ZC3H7B: variants seen among roughly 807,000 people sequenced by gnomAD.
ZC3H7B encodes the protein zinc finger CCCH domain-containing protein 7B.
A neutral mutation model predicts 116.0 loss-of-function variants in ZC3H7B; 35 were observed. That is an observed-to-expected ratio of 0.30 (90% CI 0.23 to 0.40). The LOEUF (loss-of-function observed/expected upper bound fraction) is 0.40. Ranked by LOEUF, ZC3H7B falls within the 10% of genes least tolerant of loss-of-function variation. The probability of loss-of-function intolerance (pLI) is 1.00; values close to 1 mark genes in which losing one functional copy is unlikely to be tolerated. For missense variants in ZC3H7B, 1,011 were observed against 1,321.5 expected, an observed-to-expected ratio of 0.77 and a Z score of 3.64; for synonymous variants, 502 against 545.6, an observed-to-expected ratio of 0.92 and a Z score of 1.11.
chr22:41,339,267 G>A, intron 9 of ZC3H7B, 76 bp downstream of exon 9: 1 of 1,504,014 alleles, frequency 6.6e-7, no homozygotes, highest in Middle Eastern at 1.8e-4. Flanking sequence ...GGGGTGGAGG[G>A]AAGGCCCCAA....
At chr22:41,319,568 TAAAAAAAAAAAA>T (rs71202700) in intron 1 of ZC3H7B, among the ~76,000 whole-genome samples, 1 of 65,666 alleles carries the variant, frequency 1.5e-5, no homozygotes, top group Non-Finnish European at 3.2e-5. Context: ...AGTCTCCGGC[TAAAAAAAAAAAA>T]AAAAAAAAAG....
intron 7 of ZC3H7B, chr22:41,333,561 G>C (rs942209414): frequency 2.0e-5 from 3 of 152,044 alleles, no homozygotes; most frequent in African/African-American, 7.2e-5. Context: ...AGGAGGCACA[G>C]TTTGCAGTGA....
In ZC3H7B at chr22:41,338,578, G is replaced by A. The variant is rs116885335; in HGVS notation, c.625+223G>A. On this transcript the variant is annotated intron_variant, in intron 8 of 22. Transcript: ENST00000352645. This position sits in a 1 kb window ranked among gnomAD's most constrained non-coding sequence, Gnocchi z 4.5. ...TGGCAGAGAGGGGTGCTGCCTCTTAGCTAGGTGCAACAGTCCCATGGCCTT... is the reference window on the plus strand; with the variant it reads ...TGGCAGAGAGGGGTGCTGCCTCTTAACTAGGTGCAACAGTCCCATGGCCTT... Among the ~76,000 whole-genome samples, 12 of 152,232 alleles carry A rather than the reference G, an allele frequency of 7.9e-5. No homozygotes were observed. The highest frequency in any genetic ancestry group is 1.8e-4 in the Non-Finnish European group (12 of 67,984).
rs2036333428 is a variant in ZC3H7B at position 41,327,453 on chromosome 22, CTTCTGT to C, written c.444+90_444+95del. The stretch of plus-strand genomic sequence containing the variant: ...CTCACTTGGGCCCAGCCACCACATC[CTTCTGT>C]GTCTCACTTCCTCCCCTGTGACATG... On this transcript the variant is annotated intron_variant, in intron 5 of 22. Coordinates refer to ENST00000352645, the MANE Select transcript of ZC3H7B (RefSeq NM_017590.6). The surrounding 1 kb of genome is among the most constrained non-coding windows in gnomAD (Gnocchi z 4.5). 1 of 1,514,426 alleles carries C rather than the reference CTTCTGT, an allele frequency of 6.6e-7. No homozygotes were observed. Among genetic ancestry groups the C allele is most frequent in the Non-Finnish European group, 8.9e-7 (1 of 1,123,488 alleles). 93.8% of individuals were successfully genotyped at this position (1,514,426 alleles called of 1,614,324 possible). A position where few individuals can be genotyped will look rare whatever the true frequency, so the allele number is the denominator to read the frequency against.
chr22:41,324,453 T>A (rs1344066849), intron 2 of ZC3H7B, among the ~76,000 whole-genome samples: 5 of 152,256 alleles, frequency 3.3e-5, no homozygotes, highest in African/African-American at 9.6e-5. Context: ...GATGCCTTCC[T>A]GCCAAGCAGC....
chr22:41,347,624 G>C (rs2036603803), intron 14 of ZC3H7B, among the ~76,000 whole-genome samples: 1 of 152,102 alleles, frequency 6.6e-6, no homozygotes, highest in African/African-American at 2.4e-5. Context: ...GCAGGGTTTG[G>C]TGCCGCTCAG....
At chr22:41,331,674 C>G (rs949671195) in intron 6 of ZC3H7B, among the ~76,000 whole-genome samples, 1 of 151,736 alleles carries the variant, frequency 6.6e-6, no homozygotes, top group Non-Finnish European at 1.5e-5. Flanking sequence ...AGTTCAAGAC[C>G]AGCCTGGGCA....
chr22:41,352,583 A>C (rs2036666405), intron 17 of ZC3H7B, among the ~76,000 whole-genome samples: 1 of 152,126 alleles, frequency 6.6e-6, no homozygotes, highest in African/African-American at 2.4e-5. Context: ...CAACATAGTG[A>C]AACCCCATCT....
chr22:41,348,121 T>A lies in ZC3H7B; in HGVS notation c.1720T>A (p.Ser574Thr), dbSNP rs1157361529. 6.2e-7 allele frequency: 1 copy of A among 1,613,890 alleles called. No individual in the cohort carries two copies. Among genetic ancestry groups the A allele is most frequent in the Non-Finnish European group, 8.5e-7 (1 of 1,179,976 alleles). The change falls in exon 15 of 23, where the codon TCT (serine) becomes ACT (threonine). Residue 574 changes from serine to threonine, a missense_variant. Around this residue, in one of 5 missense-constraint regions of ZC3H7B, gnomAD observed 406 missense variants for 590.2 expected, o/e 0.69. Transcript: ENST00000352645. Reference sequence around the variant, plus strand: ...CAGCAAAGGCACCAAGGACTCTCCGTCTGTCTGCTCCAACCTGGCTGCCAA... The same window carrying A: ...CAGCAAAGGCACCAAGGACTCTCCGACTGTCTGCTCCAACCTGGCTGCCAA... ...IISKGTKDSPSVCSNLAAKHS... is the reference protein window; with the variant it reads ...IISKGTKDSPTVCSNLAAKHS...
rs2036745755 is a variant in ZC3H7B at position 41,358,161 on chromosome 22, A to T, written c.*732A>T. 1 of 152,424 alleles carries T rather than the reference A, an allele frequency of 6.6e-6. No homozygotes were observed. Among genetic ancestry groups the T allele is most frequent in the Admixed American group, 6.5e-5 (1 of 15,290 alleles). 9.4% of individuals were successfully genotyped at this position (152,424 alleles called of 1,614,324 possible). On this transcript the variant is annotated 3_prime_UTR_variant, in exon 23 of 23. Coordinates refer to ENST00000352645, the MANE Select transcript of ZC3H7B (RefSeq NM_017590.6). ...AGAGGAAAACTGAGGCCTAGAAGGG[A>T]GGAGTGGTCCACCCACGGTCCCAGC...
chr22:41,355,738 A>G lies in ZC3H7B; in HGVS notation c.2169-19A>G. On this transcript the variant is annotated intron_variant, in intron 18 of 22. Transcript: ENST00000352645. ...CAGGCTGTGCCCTGACCTCTCCCCAACCCTGCTCTGTCCTGCAGCTGGACC... is the reference window on the plus strand; with the variant it reads ...CAGGCTGTGCCCTGACCTCTCCCCAGCCCTGCTCTGTCCTGCAGCTGGACC... 3.7e-6 allele frequency: 6 copies of G among 1,613,774 alleles called. No homozygotes were observed. Among genetic ancestry groups the G allele is most frequent in the Non-Finnish European group, 5.1e-6 (6 of 1,179,922 alleles).
At chr22:41,312,073 C>T (rs906105260) in intron 1 of ZC3H7B, among the ~76,000 whole-genome samples, 19 of 149,928 alleles carry the variant, frequency 1.3e-4, no homozygotes, top group African/African-American at 4.4e-4. Context: ...AGGAGAATGG[C>T]GTGAACCCGG....
rs1438245014 is a variant in ZC3H7B at position 41,355,451 on chromosome 22, C to T, written c.2035-18C>T. ...GGTGCCTGCAGCTTCACCAACCCCC[C>T]TCCCCATCCCCCCACAGGGTGCTCC... On this transcript the variant is annotated intron_variant, in intron 17 of 22. Transcript: ENST00000352645. The T allele has an allele frequency of 1.9e-6, 3 of 1,613,204 alleles. No individual in the cohort carries two copies. The highest frequency in any genetic ancestry group is 3.3e-5 in the Admixed American group (2 of 59,956).
intron 1 of ZC3H7B, among the ~76,000 whole-genome samples, chr22:41,318,851 A>C (rs1041075014): frequency 6.6e-6 from 1 of 152,074 alleles, no homozygotes; most frequent in Non-Finnish European, 1.5e-5. Context: ...GCACATTCTC[A>C]GATACACCAA....
chr22:41,332,254 C>G (rs1254595490), intron 7 of ZC3H7B, 27 bp downstream of exon 7: 21 of 1,613,440 alleles, frequency 1.3e-5, no homozygotes, highest in Non-Finnish European at 1.8e-5. Context: ...ACCAACCTGT[C>G]TCAGTTTATC....
rs2036516943 is a variant in ZC3H7B, at chr22:41,341,088, A to G, written c.1139A>G (p.Glu380Gly). The G allele has an allele frequency of 6.2e-7, 1 of 1,613,560 alleles. No individual in the cohort carries two copies. The highest frequency in any genetic ancestry group is 1.3e-5 in the African/African-American group (1 of 74,886). ...GSLDKPDSFM[E>G]ETNSQDHRPP... The stretch of plus-strand genomic sequence containing the variant: ...ACCCCTGTGTCTTCTCCCTGCCCAG[A>G]GGAGACCAACTCACAGGACCACCGT... Residue 380 changes from glutamate (E) to glycine (G), a missense_variant and splice_region_variant, in exon 11 of 23, where the codon GAG (glutamate) becomes GGG (glycine). Around this residue, in one of 5 missense-constraint regions of ZC3H7B, gnomAD observed 99 missense variants for 89.5 expected, o/e 1.11. Transcript: ENST00000352645.
At chr22:41,336,672 A>AT (rs1309505454) in intron 7 of ZC3H7B, 2 of 151,650 alleles carry the variant, frequency 1.3e-5, no homozygotes, top group African/African-American at 2.4e-5. Context: ...CAAAGAAAAA[A>AT]AATATATATA....
chr22:41,312,831 A>G (rs1201445969), intron 1 of ZC3H7B, among the ~76,000 whole-genome samples: 1 of 152,146 alleles, frequency 6.6e-6, no homozygotes, highest in African/African-American at 2.4e-5. Flanking sequence ...GGATCGCTTG[A>G]GCCTGGGAGG....
At chr22:41,337,142 A>T (rs1270284505) in intron 7 of ZC3H7B, among the ~76,000 whole-genome samples, 2 of 152,086 alleles carry the variant, frequency 1.3e-5, no homozygotes, top group Non-Finnish European at 2.9e-5. Flanking sequence ...ATCTCAAAAA[A>T]GAATAAATAA....
Sources: allele counts gnomAD v4.1 joint callset (sites outside exome capture counted in the v4.1 genomes callset), GRCh38; gene constraint gnomAD v4.1.1; regional missense constraint gnomAD v4.1.1; non-coding constraint Gnocchi (gnomAD v3.1); transcripts MANE v1.5; gene names NCBI Gene and HGNC (gene_info 2026-07-23, HGNC 2026-07-21).